Variants in MEIKIN observed in about 807,000 individuals in gnomAD.
MEIKIN encodes meiosis-specific kinetochore protein.
intron 7 of MEIKIN, 120 bp downstream of exon 7, chr5:131,916,766 G>T: frequency 2.6e-6 from 1 of 384,206 alleles, no homozygotes; most frequent in South Asian, 1.4e-4. Context: ...GACACATAGT[G>T]AGTCCTCAAC....
intron 9 of MEIKIN, among the ~76,000 whole-genome samples, chr5:131,877,918 G>A (rs1046127042): frequency 2.0e-5 from 3 of 152,304 alleles, no homozygotes; most frequent in Admixed American, 6.5e-5. Context: ...TGATGAAATC[G>A]TGTGCCATCC....
At chr5:131,889,584 T>A (rs887278852) in intron 8 of MEIKIN, among the ~76,000 whole-genome samples, 2 of 152,234 alleles carry the variant, frequency 1.3e-5, no homozygotes, top group Admixed American at 6.5e-5. Context: ...TTTGCTGAAG[T>A]TGCCTATCAG....
intron 11 of MEIKIN, among the ~76,000 whole-genome samples, chr5:131,847,492 A>C (rs935247057): frequency 4.9e-4 from 75 of 152,208 alleles, no homozygotes; most frequent in African/African-American, 1.7e-3. Flanking sequence ...AGAACATATA[A>C]CAATTATAAA....
intron 8 of MEIKIN, among the ~76,000 whole-genome samples, chr5:131,908,753 AT>A (rs1751286122): frequency 6.6e-6 from 1 of 152,228 alleles, no homozygotes; most frequent in Admixed American, 6.5e-5. Flanking sequence ...AAATCAACAT[AT>A]AAAAATCAGT....
chr5:131,835,217 T>C (rs572184872), intron 11 of MEIKIN, among the ~76,000 whole-genome samples: 2 of 151,224 alleles, frequency 1.3e-5, no homozygotes, highest in Non-Finnish European at 2.9e-5. Flanking sequence ...TGTGTGTATA[T>C]ATATGTGTAT....
intron 8 of MEIKIN, among the ~76,000 whole-genome samples, chr5:131,883,625 C>G (rs1750731942): frequency 6.6e-6 from 1 of 152,154 alleles, no homozygotes. Flanking sequence ...ACAGAAGACT[C>G]CACTGATCAT....
chr5:131,861,264 C>T (rs1428223567), intron 9 of MEIKIN, among the ~76,000 whole-genome samples: 2 of 151,994 alleles, frequency 1.3e-5, no homozygotes, highest in Admixed American at 6.6e-5. Flanking sequence ...TGGTGCATGC[C>T]TGTAGTCCCA....
intron 4 of MEIKIN, among the ~76,000 whole-genome samples, chr5:131,935,286 A>AAAAAG (rs1751759012): frequency 6.7e-6 from 1 of 148,914 alleles, no homozygotes; most frequent in African/African-American, 2.4e-5. Flanking sequence ...AAAAAAAAAA[A>AAAAAG]AAAGAAAGAA....
chr5:131,875,014 AT>A (rs1350048353), intron 9 of MEIKIN, among the ~76,000 whole-genome samples: 14 of 146,900 alleles, frequency 9.5e-5, no homozygotes, highest in Non-Finnish European at 2.2e-4. Flanking sequence ...AGAGCTATCT[AT>A]GACAAACCCA....
chr5:131,840,807 A>G (rs1030895518), intron 11 of MEIKIN, among the ~76,000 whole-genome samples: 4 of 152,016 alleles, frequency 2.6e-5, no homozygotes, highest in Non-Finnish European at 5.9e-5. Flanking sequence ...CTGCATCTCA[A>G]TTGTCTTCAT....
chr5:131,864,374 T>C (rs1750346905), intron 9 of MEIKIN, among the ~76,000 whole-genome samples: 2 of 152,206 alleles, frequency 1.3e-5, no homozygotes, highest in Admixed American at 6.5e-5. Flanking sequence ...ATAGTAACTA[T>C]CATCATTTCA....
rs113195993 is a variant in MEIKIN, at chr5:131,857,773, C to T, written c.775-2939G>A. 1.1e-4 allele frequency among the ~76,000 whole-genome samples: 16 copies of T among 152,330 alleles called. No homozygotes were observed. The South Asian group carries it at 1.7e-3, about 16-fold the overall frequency. On this transcript the variant is annotated intron_variant, in intron 9 of 12. Transcript: ENST00000442687. ...CTCCACTGCTTTGCTGGCCCGCAAG[C>T]GCAGGTGACCATACTTCCTCTCTCC...
intron 12 of MEIKIN, among the ~76,000 whole-genome samples, chr5:131,808,154 G>T (rs1036782915): frequency 6.6e-6 from 1 of 152,204 alleles, no homozygotes; most frequent in Non-Finnish European, 1.5e-5. Context: ...ATTAAAGTCT[G>T]GGAAGTGCTG....
In MEIKIN at chr5:131,936,624, T is replaced by G. The variant is rs942776577; in HGVS notation, c.350-2983A>C. Among the ~76,000 whole-genome samples, 85 of 152,202 alleles carry G rather than the reference T, an allele frequency of 5.6e-4. 2 individuals carry two copies. Among genetic ancestry groups the G allele is most frequent in the Non-Finnish European group, 8.8e-5 (6 of 68,044 alleles). ...TTTTCTTTCTTTTTGAGACGGAGTC[T>G]CACTCTGTCACCCAGGCTGGAGTGT... On this transcript the variant is annotated intron_variant, in intron 4 of 12. Coordinates refer to ENST00000442687, the MANE Select transcript of MEIKIN (RefSeq NM_001303622.2).
chr5:131,851,370 G>A lies in MEIKIN; in HGVS notation c.869C>T (p.Ser290Leu), dbSNP rs1458454654. ...TTCTTCAAAAGATGCTTTTTGCACTGAGGACAAATCAATCTATAAAAGAAT... is the reference window on the plus strand; with the variant it reads ...TTCTTCAAAAGATGCTTTTTGCACTAAGGACAAATCAATCTATAAAAGAAT... ...ETAGFVIDLS[S>L]VQKASFEELF... Residue 290 changes from serine (S) to leucine (L), a missense_variant, in exon 11 of 13, where the codon TCA becomes TTA. Ser to Leu is a moderately radical substitution (Grantham distance 145, BLOSUM62 -2). Transcript: ENST00000442687. The A allele has an allele frequency of 2.5e-6, 1 of 397,822 alleles. No homozygotes were observed. The highest frequency in any genetic ancestry group is 1.3e-4 in the South Asian group (1 of 7,844). 24.6% of individuals were successfully genotyped at this position (397,822 alleles called of 1,614,324 possible). A position where few individuals can be genotyped will look rare whatever the true frequency, so the allele number is the denominator to read the frequency against.
In MEIKIN at chr5:131,819,765, A is replaced by ATTTTTTTTT. The variant is rs1167213249; in HGVS notation, c.976-911_976-903dup. Among the ~76,000 whole-genome samples, 17 of 64,576 alleles carry ATTTTTTTTT rather than the reference A, an allele frequency of 2.6e-4. 3 individuals are homozygous for ATTTTTTTTT. Among genetic ancestry groups the ATTTTTTTTT allele is most frequent in the African/African-American group, 1.3e-3 (16 of 12,776 alleles). The allele number at this position is 64,576 out of a possible 152,430, so 42.4% of individuals were successfully genotyped here. A position where few individuals can be genotyped will look rare whatever the true frequency, so the allele number is the denominator to read the frequency against. On this transcript the variant is annotated intron_variant, in intron 11 of 12. Coordinates refer to ENST00000442687, the MANE Select transcript of MEIKIN (RefSeq NM_001303622.2). ...TAGGCATGCACCACTACATCCAGCT[A>ATTTTTTTTT]TTTTTTTTTTTTTTTTTTTTTTTTT...
At chr5:131,835,333 T>C (rs1749788121) in intron 11 of MEIKIN, among the ~76,000 whole-genome samples, 1 of 152,090 alleles carries the variant, frequency 6.6e-6, no homozygotes, top group Non-Finnish European at 1.5e-5. Flanking sequence ...TTCATCACGT[T>C]GTTTTCTTTG....
chr5:131,943,506 T>C (rs1352633350), intron 3 of MEIKIN, among the ~76,000 whole-genome samples: 7 of 152,120 alleles, frequency 4.6e-5, no homozygotes, highest in Admixed American at 3.9e-4. Flanking sequence ...CACAGGGAAA[T>C]AGTAATACAA....
intron 4 of MEIKIN, among the ~76,000 whole-genome samples, chr5:131,939,259 A>T (rs1751831104): frequency 6.6e-6 from 1 of 152,150 alleles, no homozygotes; most frequent in East Asian, 1.9e-4. Flanking sequence ...ATTCCAAAAA[A>T]TCTTATTTTA....
Sources: gnomAD v4.1 joint callset for allele counts (sites outside exome capture counted in the v4.1 genomes callset) on GRCh38, gnomAD v4.1.1 for gene constraint, MANE v1.5 for transcripts, NCBI Gene and HGNC (gene_info 2026-07-23, HGNC 2026-07-21) for gene names.